NCAPH: variants seen among roughly 807,000 people sequenced by gnomAD.
NCAPH encodes the protein non-SMC condensin I complex subunit H.
Under a neutral mutation model 85.5 loss-of-function variants are expected in NCAPH, and 38 were observed. The observed-to-expected ratio is 0.44, with a 90% CI of 0.34 to 0.58. NCAPH has a LOEUF of 0.58. Among genes scored for constraint, NCAPH ranks in the 20% least tolerant of loss-of-function variants. NCAPH has a pLI of 0.01. For missense variants in NCAPH, 789 were observed against 916.6 expected (o/e 0.86, Z 1.80); for synonymous variants, 301 against 335.1 (o/e 0.90, Z 1.11).
chr2:96,362,313 A>T (rs752870083), intron 12 of NCAPH, among the ~76,000 whole-genome samples: 2 of 151,942 alleles, frequency 1.3e-5, no homozygotes, highest in Non-Finnish European at 2.9e-5. Flanking sequence ...TCTGACTCTT[A>T]TGGATGATTT....
Position 96,344,086 on chromosome 2 carries a change from A to T in NCAPH, c.596-19A>T. On this transcript the variant is annotated intron_variant, in intron 5 of 17. Transcript: ENST00000240423. ...TTCAAAGCAGCCCTTGCAGTACGCAATTGTATTTCTCCTTTTAGATGGAAG... is the reference window on the plus strand; with the variant it reads ...TTCAAAGCAGCCCTTGCAGTACGCATTTGTATTTCTCCTTTTAGATGGAAG... The T allele has an allele frequency of 6.2e-7, 1 of 1,604,576 alleles. No homozygotes were observed.
At chr2:96,342,942 G>C in intron 4 of NCAPH, 94 bp downstream of exon 4, 1 of 1,230,894 alleles carries the variant, frequency 8.1e-7, no homozygotes, top group Non-Finnish European at 1.2e-6. Flanking sequence ...AAATACATGA[G>C]AGACTTCTCA....
chr2:96,352,308 G>A (rs574241247), intron 7 of NCAPH, among the ~76,000 whole-genome samples: 89 of 152,306 alleles, frequency 5.8e-4, no homozygotes, highest in Middle Eastern at 6.8e-3. Context: ...TCACATTTGG[G>A]AGACCTGGGT....
chr2:96,369,202 C>G (rs2064739533), intron 16 of NCAPH, 139 bp downstream of exon 16: 1 of 966,888 alleles, frequency 1.0e-6, no homozygotes, highest in Admixed American at 2.7e-5. Flanking sequence ...ACAGATAATA[C>G]AGACCAACTT....
At chr2:96,369,342 A>T (rs2064741724) in intron 16 of NCAPH, 83 bp from the exon 17 acceptor site, 5 of 1,141,762 alleles carry the variant, frequency 4.4e-6, no homozygotes, top group Non-Finnish European at 6.6e-6. Context: ...TAGTCATTGC[A>T]TGTGTGTATT....
intron 9 of NCAPH, among the ~76,000 whole-genome samples, chr2:96,356,455 A>G (rs905743087): frequency 6.6e-6 from 1 of 152,242 alleles, no homozygotes; most frequent in East Asian, 1.9e-4. Context: ...TTTGTGCAAG[A>G]TGCTGCGCCA....
intron 3 of NCAPH, 38 bp from the exon 4 acceptor site, chr2:96,342,718 T>G (rs760884244): frequency 1.9e-5 from 28 of 1,505,880 alleles, no homozygotes; most frequent in Non-Finnish European, 2.6e-5. Context: ...GAGCCTAGGC[T>G]ATAAATAACA....
chr2:96,357,684 T>A (rs547796207), intron 9 of NCAPH, among the ~76,000 whole-genome samples: 1 of 152,362 alleles, frequency 6.6e-6, no homozygotes, highest in African/African-American at 2.4e-5. Flanking sequence ...ATTTTTTTAT[T>A]GTGTATTTTA....
Position 96,353,356 on chromosome 2 carries a change from G to A in NCAPH, c.961G>A (p.Gly321Arg), listed in dbSNP as rs574125757. Residue 321 changes from glycine (G) to arginine (R), a missense_variant, in exon 8 of 18, where the codon GGG becomes AGG. Coordinates refer to ENST00000240423, the MANE Select transcript of NCAPH (RefSeq NM_015341.5). ...EDRQICPSLA[G>R]FQFTQWDSET... The stretch of plus-strand genomic sequence containing the variant: ...TCGCCAGATCTGCCCTTCCCTGGCC[G>A]GGTTCCAGTTTACACAGTGGGACAG... The A allele has an allele frequency of 3.7e-6, 6 of 1,614,104 alleles. No homozygotes were observed. Among genetic ancestry groups the A allele is most frequent in the African/African-American group, 1.3e-5 (1 of 74,950 alleles).
chr2:96,361,835 T>A (rs1332254699), intron 12 of NCAPH, among the ~76,000 whole-genome samples: 6 of 143,994 alleles, frequency 4.2e-5, no homozygotes, highest in South Asian at 4.4e-4. Flanking sequence ...TATATTTTTT[T>A]TTTTTTTTCC....
chr2:96,373,223 G>A, intron 17 of NCAPH, 69 bp from the exon 18 acceptor site: 3 of 1,357,388 alleles, frequency 2.2e-6, no homozygotes, highest in Non-Finnish European at 3.1e-6. Flanking sequence ...CCTTGTGACT[G>A]TGATTGGAAT....
Position 96,335,850 on chromosome 2 carries a change from T to C in NCAPH, c.19+2T>C, listed in dbSNP as rs759106037. On this transcript the variant is annotated splice_donor_variant, in intron 1 of 17. Transcript: ENST00000240423. LOFTEE classifies it high-confidence loss of function. ...GAAAGATGGGACCTCCCGGCCCAGG[T>C]GAGCCGGGCGGTCGGGAGGCGCGGC... 6.7e-7 allele frequency: 1 copy of C among 1,490,284 alleles called. No individual in the cohort carries two copies. Among genetic ancestry groups the C allele is most frequent in the South Asian group, 1.3e-5 (1 of 77,404 alleles). 92.3% of individuals were successfully genotyped at this position (1,490,284 alleles called of 1,614,324 possible).
intron 14 of NCAPH, 92 bp from the exon 15 acceptor site, chr2:96,367,165 T>TC (rs1377893009): frequency 4.0e-5 from 33 of 816,616 alleles, no homozygotes; most frequent in Admixed American, 1.6e-4. Context: ...GATTCCTTCT[T>TC]TAGTTGAACT....
At chr2:96,360,072 C>A in intron 10 of NCAPH, 71 bp from the exon 11 acceptor site, 1 of 875,484 alleles carries the variant, frequency 1.1e-6, no homozygotes, top group Non-Finnish European at 1.9e-6. Context: ...AGGCTGTCAG[C>A]AGATCTTGTG....
At chr2:96,369,343 T>C (rs564209883) in intron 16 of NCAPH, 82 bp from the exon 17 acceptor site, 2 of 1,148,794 alleles carry the variant, frequency 1.7e-6, no homozygotes, top group South Asian at 1.2e-5. Context: ...AGTCATTGCA[T>C]GTGTGTATTA....
intron 1 of NCAPH, among the ~76,000 whole-genome samples, chr2:96,338,800 G>C (rs1033570385): frequency 1.3e-5 from 2 of 152,150 alleles, no homozygotes; most frequent in African/African-American, 4.8e-5. Flanking sequence ...AAACGTGTGG[G>C]GGTTTTTTTG....
chr2:96,358,033 T>G (rs2064547289), intron 9 of NCAPH, among the ~76,000 whole-genome samples: 1 of 152,120 alleles, frequency 6.6e-6, no homozygotes, highest in Non-Finnish European at 1.5e-5. Flanking sequence ...TCCTAGCACT[T>G]TGGGAGGCTG....
chr2:96,352,248 T>C (rs549368626), intron 7 of NCAPH, among the ~76,000 whole-genome samples: 1 of 152,292 alleles, frequency 6.6e-6, no homozygotes, highest in South Asian at 2.1e-4. Context: ...CTCTTGGTCT[T>C]GATGTGCCCG....
At position 96,351,825 on chromosome 2, in the gene NCAPH, G is replaced by A. The variant is rs534867171; in HGVS notation, c.721-6G>A. 104 of 1,591,016 alleles carry A rather than the reference G, an allele frequency of 6.5e-5. No individual in the cohort carries two copies. The South Asian group carries it at 1.1e-3, about 17-fold the overall frequency. ...AATCTTCAGTTTCTTCTCTCTCTGT[G>A]TTCAGATTGATCCCATGTTTCAGAA... On this transcript the variant is annotated splice_region_variant and splice_polypyrimidine_tract_variant and intron_variant, in intron 6 of 17. Coordinates refer to ENST00000240423, the MANE Select transcript of NCAPH (RefSeq NM_015341.5).
Sources: allele counts gnomAD v4.1 joint callset (sites outside exome capture counted in the v4.1 genomes callset), GRCh38; gene constraint gnomAD v4.1.1; transcripts MANE v1.5; gene names NCBI Gene and HGNC (gene_info 2026-07-23, HGNC 2026-07-21).